The following TRPM1 variants were observed in gnomAD, a reference collection of about 807,000 sequenced individuals.
TRPM1 encodes the protein TRPM1-203 APA Isoform, Intron 10.
TRPM1 carries 113 observed loss-of-function variants against 149.4 expected under a neutral mutation model. That is an observed-to-expected ratio of 0.76 (90% CI 0.65 to 0.88). TRPM1 has a LOEUF of 0.88. Ranked by LOEUF, TRPM1 falls within the 40% of genes least tolerant of loss-of-function variation. The pLI, the probability that TRPM1 is intolerant of heterozygous loss-of-function variation, is 0.00. For synonymous variants in TRPM1, 741 were observed against 759.5 expected, an observed-to-expected ratio of 0.98 and a Z score of 0.40; for missense variants, 1,976 against 2,038.7, an observed-to-expected ratio of 0.97 and a Z score of 0.59.
At chr15:31,149,771 G>A (rs1416730504) in intron 1 of TRPM1, among the ~76,000 whole-genome samples, 6 of 152,188 alleles carry the variant, frequency 3.9e-5, no homozygotes, top group East Asian at 3.9e-4. Context: ...CGCCCGCCTT[G>A]GCCTCCCAAA....
At chr15:31,016,898 A>T (rs1343131861) in intron 27 of TRPM1, among the ~76,000 whole-genome samples, 1 of 151,890 alleles carries the variant, frequency 6.6e-6, no homozygotes, top group East Asian at 1.9e-4. Flanking sequence ...TCACAGATTA[A>T]ATCTTTGGGC....
rs377738000 is a variant in TRPM1, at chr15:31,028,418, G to A, written c.3207C>T (p.Pro1069=). The change falls in exon 25 of 28, where the codon CCC becomes CCT. Residue 1069 remains proline, a synonymous_variant. Transcript: ENST00000256552. ...TGAGTGCTGGAGTGAGCCAGGCGCC[G>A]GGGATACAGGGAGGAAGCCGCTTGC... ...EEGKRLPPCI[P]GAWLTPALMA... is the part of the protein sequence containing the mutation. 151 of 1,614,082 alleles carry A rather than the reference G, an allele frequency of 9.4e-5. No homozygotes were observed. Among genetic ancestry groups the A allele is most frequent in the African/African-American group, 6.9e-4 (52 of 75,018 alleles).
chr15:31,062,752 T>A, intron 8 of TRPM1, 50 bp from the exon 9 acceptor site: 1 of 1,591,778 alleles, frequency 6.3e-7, no homozygotes, highest in Non-Finnish European at 8.6e-7. Context: ...TAAATCTATA[T>A]ATGAATGAGT....
intron 1 of TRPM1, among the ~76,000 whole-genome samples, chr15:31,090,813 T>C (rs2035215864): frequency 6.6e-6 from 1 of 152,156 alleles, no homozygotes; most frequent in African/African-American, 2.4e-5. Context: ...GAACTTGGGC[T>C]TTAGACGTAC....
chr15:31,051,944 T>A (rs1445757190), intron 11 of TRPM1, among the ~76,000 whole-genome samples: 2 of 152,216 alleles, frequency 1.3e-5, no homozygotes, highest in African/African-American at 4.8e-5. Context: ...GGGAGCATTG[T>A]GACATCTCAG....
chr15:31,124,794 T>C (rs2035925704), intron 1 of TRPM1, among the ~76,000 whole-genome samples: 1 of 151,968 alleles, frequency 6.6e-6, no homozygotes, highest in East Asian at 1.9e-4. Context: ...GGATGAACAG[T>C]TGGAGTACAG....
chr15:31,091,372 A>G (rs1355090599), intron 1 of TRPM1, among the ~76,000 whole-genome samples: 2 of 152,244 alleles, frequency 1.3e-5, no homozygotes, highest in African/African-American at 4.8e-5. Flanking sequence ...TATCCATGTT[A>G]AATGGACTTC....
intron 24 of TRPM1, 108 bp downstream of exon 24, chr15:31,029,263 C>G (rs944249341): frequency 8.3e-7 from 1 of 1,209,796 alleles, no homozygotes; most frequent in East Asian, 2.4e-5. Context: ...CACCAAAAAA[C>G]AAGAGAAGTA....
chr15:31,156,828 A>G (rs2036383585), intron 1 of TRPM1, among the ~76,000 whole-genome samples: 1 of 152,248 alleles, frequency 6.6e-6, no homozygotes, highest in Non-Finnish European at 1.5e-5. Flanking sequence ...ATTTTTGTCA[A>G]CATTATAGAT....
At chr15:31,066,953 C>G (rs963888187) in intron 6 of TRPM1, 110 bp downstream of exon 6, 1 of 1,429,006 alleles carries the variant, frequency 7.0e-7, no homozygotes, top group African/African-American at 1.4e-5. Context: ...ATGGGAAAGG[C>G]TGCAAGGGAG....
chr15:31,002,634 C>T lies in TRPM1; in HGVS notation c.4066G>A (p.Ala1356Thr), dbSNP rs779045425. Residue 1356 changes from alanine to threonine, a missense_variant, in exon 28 of 28, where the codon GCA (alanine) becomes ACA (threonine). By Grantham distance (58) the Ala-to-Thr change is moderately conservative (BLOSUM62 0). Transcript: ENST00000256552. ...GCAAGGTGACTGCCATCTGGGGTTG[C>T]TGATGTGCTTGTGCCCAGTGAAAGG... ...LHLSLGTSTS[A>T]TPDGSHLAVD... 3 of 1,614,150 alleles carry T rather than the reference C, an allele frequency of 1.9e-6. No homozygotes were observed. The highest frequency in any genetic ancestry group is 4.5e-5 in the East Asian group (2 of 44,886).
At chr15:31,073,574 A>G (rs528511845) in intron 3 of TRPM1, among the ~76,000 whole-genome samples, 18 of 151,638 alleles carry the variant, frequency 1.2e-4, no homozygotes, top group Non-Finnish European at 2.5e-4. Flanking sequence ...ATCTTGCTGA[A>G]CTCATTTATT....
At chr15:31,107,494 C>T (rs1387988618) in intron 1 of TRPM1, among the ~76,000 whole-genome samples, 3 of 152,054 alleles carry the variant, frequency 2.0e-5, no homozygotes, top group Admixed American at 6.6e-5. Flanking sequence ...ATTTTGTTGA[C>T]CTTTCCAGGG....
chr15:31,088,808 G>T (rs949393702), intron 1 of TRPM1, among the ~76,000 whole-genome samples: 1 of 151,460 alleles, frequency 6.6e-6, no homozygotes, highest in Non-Finnish European at 1.5e-5. Flanking sequence ...CTGCTGGGGG[G>T]ATGCGTCAGA....
chr15:31,021,013 C>T (rs1020704296), intron 27 of TRPM1, among the ~76,000 whole-genome samples: 3 of 152,138 alleles, frequency 2.0e-5, no homozygotes, highest in African/African-American at 7.2e-5. Context: ...CTGAAGTCTG[C>T]ATCTGTCTCT....
chr15:31,088,940 C>A (rs1022118855), intron 1 of TRPM1, among the ~76,000 whole-genome samples: 2 of 152,162 alleles, frequency 1.3e-5, no homozygotes, highest in Non-Finnish European at 2.9e-5. Flanking sequence ...GTGGAAGCTG[C>A]TGGCGCCTCT....
chr15:31,126,084 A>G (rs922985715), intron 1 of TRPM1, among the ~76,000 whole-genome samples: 1 of 152,224 alleles, frequency 6.6e-6, no homozygotes. Context: ...GTGAGCCAAG[A>G]TCACACCGCT....
chr15:31,075,125 C>T (rs192683551), intron 3 of TRPM1, among the ~76,000 whole-genome samples: 156 of 152,264 alleles, frequency 1.0e-3, no homozygotes, highest in African/African-American at 3.5e-3. Flanking sequence ...TCCATATGCA[C>T]TTGAGAAGAA....
At chr15:31,055,554 C>T (rs946376474) in intron 11 of TRPM1, among the ~76,000 whole-genome samples, 26 of 152,196 alleles carry the variant, frequency 1.7e-4, no homozygotes, top group African/African-American at 4.3e-4. Context: ...CATCCCCTCC[C>T]GGTCTCCAGG....
Sources: allele counts gnomAD v4.1 joint callset (sites outside exome capture counted in the v4.1 genomes callset), GRCh38; gene constraint gnomAD v4.1.1; transcripts MANE v1.5; gene names NCBI Gene and HGNC (gene_info 2026-07-23, HGNC 2026-07-21).